The following BRAF variants were observed in gnomAD, a reference collection of about 807,000 sequenced individuals.
BRAF encodes the protein B-Raf proto-oncogene, serine/threonine kinase, also known as serine/threonine-protein kinase B-raf.
Under a neutral mutation model 104.6 loss-of-function variants are expected in BRAF, and 16 were observed. That is an observed-to-expected ratio of 0.15 (90% CI 0.10 to 0.23). The LOEUF (loss-of-function observed/expected upper bound fraction) is 0.23. Ranked by LOEUF, BRAF falls within the 10% of genes least tolerant of loss-of-function variation. BRAF has a pLI of 1.00. For synonymous variants in BRAF, 310 were observed against 341.6 expected, an observed-to-expected ratio of 0.91 and a Z score of 1.02; for missense variants, 541 against 937.3, an observed-to-expected ratio of 0.58 and a Z score of 5.52.
intron 17 of BRAF, chr7:140,747,301 A>G (rs1374516899): frequency 3.3e-6 from 3 of 907,046 alleles, no homozygotes; most frequent in Non-Finnish European, 4.2e-6. Context: ...ACTTGGTTTC[A>G]GACTAGCAAA....
At position 140,724,144 on chromosome 7, in the gene BRAF, C is replaced by T. The variant is rs1464808835; in HGVS notation, c.*2350G>A. The T allele has an allele frequency of 1.9e-6, 2 of 1,054,340 alleles. No individual in the cohort carries two copies. Among genetic ancestry groups the T allele is most frequent in the African/African-American group, 3.3e-5 (2 of 60,310 alleles). The allele number at this position is 1,054,340 out of a possible 1,614,324, so 65.3% of individuals were successfully genotyped here. On this transcript the variant is annotated 3_prime_UTR_variant, in exon 20 of 20. Coordinates refer to ENST00000644969, the MANE Select transcript of BRAF (RefSeq NM_001374258.1). ...AAATGCAAGGGAAGAAAAAGTGTATCACCCTGAATATTGTTTAAGAAACTG... is the reference window on the plus strand; with the variant it reads ...AAATGCAAGGGAAGAAAAAGTGTATTACCCTGAATATTGTTTAAGAAACTG...
intron 1 of BRAF, among the ~76,000 whole-genome samples, chr7:140,908,274 T>A (rs1478383724): frequency 1.3e-5 from 2 of 152,242 alleles, no homozygotes; most frequent in Non-Finnish European, 2.9e-5. Flanking sequence ...ACACAAATTT[T>A]AATTACATTG....
intron 1 of BRAF, among the ~76,000 whole-genome samples, chr7:140,899,902 ACTT>A (rs1815407076): frequency 6.6e-6 from 1 of 152,172 alleles, no homozygotes; most frequent in Non-Finnish European, 1.5e-5. Flanking sequence ...ATGGGGTGCC[ACTT>A]CCAAGACTAA....
At chr7:140,787,300 C>CAAAAAAAAAA (rs1199383417) in intron 9 of BRAF, among the ~76,000 whole-genome samples, 6 of 55,060 alleles carry the variant, frequency 1.1e-4, no homozygotes, top group Admixed American at 4.3e-4. Context: ...GACTCCGTCT[C>CAAAAAAAAAA]AAAAAAAAAA....
At chr7:140,869,350 T>G (rs1811312547) in intron 1 of BRAF, among the ~76,000 whole-genome samples, 1 of 152,160 alleles carries the variant, frequency 6.6e-6, no homozygotes, top group Non-Finnish European at 1.5e-5. Context: ...CACTGTTTTC[T>G]GACCAGGCAC....
intron 1 of BRAF, among the ~76,000 whole-genome samples, chr7:140,910,300 T>C (rs1355491060): frequency 6.6e-6 from 1 of 152,202 alleles, no homozygotes. Flanking sequence ...TTACATCCTT[T>C]TGTCTTCCTT....
In BRAF at chr7:140,720,741, G is replaced by T; in HGVS notation, c.*5753C>A. On this transcript the variant is annotated 3_prime_UTR_variant, in exon 20 of 20. Coordinates refer to ENST00000644969, the MANE Select transcript of BRAF (RefSeq NM_001374258.1). Reference sequence around the variant, plus strand: ...TTTGTTGTTTATGCTAGTTTGCAGTGACTTCCAACTCATACTCCACCAAAA... The same window carrying T: ...TTTGTTGTTTATGCTAGTTTGCAGTTACTTCCAACTCATACTCCACCAAAA... 1 of 1,065,916 alleles carries T rather than the reference G, an allele frequency of 9.4e-7. No homozygotes were observed. The highest frequency in any genetic ancestry group is 1.1e-6 in the Non-Finnish European group (1 of 879,722). The allele number at this position is 1,065,916 out of a possible 1,614,324, so 66.0% of individuals were successfully genotyped here.
At chr7:140,717,484 G>C (rs1257748674), downstream of BRAF, among the ~76,000 whole-genome samples, 1 of 152,098 alleles carries the variant, frequency 6.6e-6, no homozygotes, top group African/African-American at 2.4e-5. Flanking sequence ...CTGGCTTCAA[G>C]TGATCCTCCC....
At chr7:140,885,476 T>C (rs1231692543) in intron 1 of BRAF, among the ~76,000 whole-genome samples, 7 of 152,180 alleles carry the variant, frequency 4.6e-5, no homozygotes. Context: ...AGTATCTTAG[T>C]AGGATTATGA....
intron 2 of BRAF, among the ~76,000 whole-genome samples, chr7:140,838,740 C>T (rs1043295202): frequency 6.6e-6 from 1 of 152,066 alleles, no homozygotes; most frequent in Non-Finnish European, 1.5e-5. Context: ...ATCAAGACAG[C>T]GCAATAATTT....
intron 1 of BRAF, among the ~76,000 whole-genome samples, chr7:140,892,022 GAGGC>G (rs1814282184): frequency 6.6e-6 from 1 of 152,166 alleles, no homozygotes; most frequent in South Asian, 2.1e-4. Context: ...TTCGGAGGCC[GAGGC>G]AGGTGGATCA....
chr7:140,906,039 G>A (rs1816270589), intron 1 of BRAF, among the ~76,000 whole-genome samples: 1 of 118,358 alleles, frequency 8.4e-6, no homozygotes, highest in African/African-American at 3.5e-5. Context: ...AGTGAGCCGA[G>A]ATCCCGCCAC....
chr7:140,851,288 A>G (rs1198175258), intron 1 of BRAF, among the ~76,000 whole-genome samples: 1 of 152,234 alleles, frequency 6.6e-6, no homozygotes, highest in Non-Finnish European at 1.5e-5. Flanking sequence ...TTCTGTTTCT[A>G]AGTTGAATGA....
intron 1 of BRAF, among the ~76,000 whole-genome samples, chr7:140,888,536 G>A (rs759056301): frequency 6.6e-6 from 1 of 152,046 alleles, no homozygotes; most frequent in Non-Finnish European, 1.5e-5. Flanking sequence ...CCATAATACA[G>A]GATAAAAACA....
chr7:140,800,412 A>T lies in BRAF; in HGVS notation c.930T>A (p.Thr310=). ...IPQEEASLAE[T]ALTSGSSPSA... ...AAGGGGATGATCCAGATGTTAGGGC[A>T]GTCTCTGCTAAGGACGCCTCTTCCT... Residue 310 remains threonine, a synonymous_variant, in exon 7 of 20, where the codon ACT becomes ACA. Coordinates refer to ENST00000644969, the MANE Select transcript of BRAF (RefSeq NM_001374258.1). The T allele has an allele frequency of 6.2e-7, 1 of 1,614,222 alleles. No homozygotes were observed. Among genetic ancestry groups the T allele is most frequent in the South Asian group, 1.1e-5 (1 of 91,084 alleles).
chr7:140,817,785 C>T (rs370584816), intron 3 of BRAF, among the ~76,000 whole-genome samples: 30 of 152,186 alleles, frequency 2.0e-4, no homozygotes, highest in African/African-American at 6.0e-4. Flanking sequence ...GAGACAAGCA[C>T]AAGAATGTTC....
chr7:140,782,964 G>A, intron 11 of BRAF, 57 bp downstream of exon 10: 1 of 1,570,792 alleles, frequency 6.4e-7, no homozygotes, highest in Non-Finnish European at 8.7e-7. Context: ...TATTACATTT[G>A]GCTGTGACTT....
At chr7:140,788,436 A>G (rs1315763780) in intron 8 of BRAF, among the ~76,000 whole-genome samples, 1 of 152,220 alleles carries the variant, frequency 6.6e-6, no homozygotes, top group Non-Finnish European at 1.5e-5. Context: ...TGCAGCTACC[A>G]AAATAATTAT....
chr7:140,896,395 G>C (rs1478615695), intron 1 of BRAF, among the ~76,000 whole-genome samples: 1 of 151,924 alleles, frequency 6.6e-6, no homozygotes, highest in Non-Finnish European at 1.5e-5. Flanking sequence ...ACATCCAAAA[G>C]GATGAAAACA....
Sources: gnomAD v4.1 joint callset for allele counts (sites outside exome capture counted in the v4.1 genomes callset) on GRCh38, gnomAD v4.1.1 for gene constraint, MANE v1.5 for transcripts, NCBI Gene and HGNC (gene_info 2026-07-23, HGNC 2026-07-21) for gene names.